Variants in SNX25 observed in about 807,000 individuals in gnomAD.
The protein encoded by SNX25 is sorting nexin 25, also known as sorting nexin-25.
SNX25 carries 62 observed loss-of-function variants against 113.7 expected under a neutral mutation model. That is an observed-to-expected ratio of 0.55 (90% CI 0.44 to 0.67). The LOEUF (loss-of-function observed/expected upper bound fraction) is 0.67, where lower values mean the gene tolerates loss of function less well. Ranked by LOEUF, SNX25 falls within the 30% of genes least tolerant of loss-of-function variation. The probability of loss-of-function intolerance (pLI) is 0.00; values close to 1 mark genes in which losing one functional copy is unlikely to be tolerated. For synonymous variants in SNX25, 421 were observed against 436.2 expected (o/e 0.97, Z 0.43); for missense variants, 1,014 against 1,161.0 (o/e 0.87, Z 1.84).
chr4:185,334,142 C>T lies in SNX25; in HGVS notation c.1914+1383C>T, dbSNP rs935008303. 6.6e-6 allele frequency among the ~76,000 whole-genome samples: 1 copy of T among 151,836 alleles called. No individual in the cohort carries two copies. Among genetic ancestry groups the T allele is most frequent in the Non-Finnish European group, 1.5e-5 (1 of 67,990 alleles). Reference sequence around the variant, plus strand: ...TCACTTGAGGTCAGGAGCTCGAGGCCAGCCTGGCCAACATGATGAAACCCT... The same window carrying T: ...TCACTTGAGGTCAGGAGCTCGAGGCTAGCCTGGCCAACATGATGAAACCCT... On this transcript the variant is annotated intron_variant, in intron 10 of 18. Coordinates refer to ENST00000652585, the MANE Select transcript of SNX25 (RefSeq NM_001378034.2). The surrounding 1 kb of genome is among the most constrained non-coding windows in gnomAD (Gnocchi z 4.2).
intron 9 of SNX25, among the ~76,000 whole-genome samples, chr4:185,327,741 G>A (rs191999134): frequency 6.4e-4 from 98 of 152,288 alleles, no homozygotes; most frequent in Middle Eastern, 6.8e-3. Flanking sequence ...CAGATTAGAA[G>A]TTAGGGTATT....
At chr4:185,370,144 C>T (rs934293730) in exon 12 of SNX25, 6 of 160,028 alleles carry the variant, frequency 3.7e-5, no homozygotes, top group Admixed American at 1.2e-4. Context: ...AGATGTGAAA[C>T]GCATTTGGGA....
chr4:185,208,451 C>T (rs986808664), upstream of SNX25, among the ~76,000 whole-genome samples: 5 of 151,986 alleles, frequency 3.3e-5, no homozygotes, highest in Non-Finnish European at 5.9e-5. Context: ...GAAATGAGGC[C>T]GGGCGCGGTG....
chr4:185,223,306 C>T (rs1205830250), intron 1 of SNX25, among the ~76,000 whole-genome samples: 1 of 151,854 alleles, frequency 6.6e-6, no homozygotes, highest in East Asian at 1.9e-4. Flanking sequence ...CTTTTATTTT[C>T]TTCAGCTTAT....
intron 5 of SNX25, among the ~76,000 whole-genome samples, chr4:185,277,124 A>T (rs1230641425): frequency 6.6e-6 from 1 of 152,134 alleles, no homozygotes; most frequent in Non-Finnish European, 1.5e-5. Flanking sequence ...TCTCGGGTTC[A>T]AGTGATTCTT....
chr4:185,347,536 T>C (rs979761060), intron 13 of SNX25, among the ~76,000 whole-genome samples: 3 of 152,134 alleles, frequency 2.0e-5, no homozygotes, highest in Non-Finnish European at 4.4e-5. Context: ...AATGGCGCGA[T>C]CTTGGCTCAC....
intron 7 of SNX25, among the ~76,000 whole-genome samples, chr4:185,320,407 G>A (rs764289495): frequency 3.9e-5 from 6 of 151,956 alleles, no homozygotes; most frequent in African/African-American, 1.2e-4. Flanking sequence ...GTTCTCACTC[G>A]TAAGTGGGAG....
intron 5 of SNX25, among the ~76,000 whole-genome samples, chr4:185,268,686 T>C (rs1748487244): frequency 6.6e-6 from 1 of 152,178 alleles, no homozygotes; most frequent in Admixed American, 6.5e-5. Context: ...AGGGTTAACA[T>C]TAAGATGACT....
At chr4:185,274,946 G>C (rs1749448208) in intron 5 of SNX25, among the ~76,000 whole-genome samples, 1 of 152,178 alleles carries the variant, frequency 6.6e-6, no homozygotes, top group South Asian at 2.1e-4. Flanking sequence ...TGCTAGCCAG[G>C]TGGGCAGAAA....
chr4:185,358,834 A>G (rs1446810547), intron 16 of SNX25, among the ~76,000 whole-genome samples: 1 of 152,230 alleles, frequency 6.6e-6, no homozygotes, highest in Non-Finnish European at 1.5e-5. Context: ...ACTTTTTTAT[A>G]TAACAAAATA....
chr4:185,333,752 T>C (rs1579826005), intron 10 of SNX25, among the ~76,000 whole-genome samples: 1 of 152,256 alleles, frequency 6.6e-6, no homozygotes, highest in Admixed American at 6.5e-5. Flanking sequence ...ATCACTTTAA[T>C]AATTGTTAGT....
intron 2 of SNX25, among the ~76,000 whole-genome samples, chr4:185,255,700 T>C (rs1008620141): frequency 6.6e-6 from 1 of 152,222 alleles, no homozygotes; most frequent in Non-Finnish European, 1.5e-5. Flanking sequence ...TGTTCACCTA[T>C]GTGCAGGACT....
chr4:185,278,866 G>A (rs932956673), intron 5 of SNX25, among the ~76,000 whole-genome samples: 2 of 152,118 alleles, frequency 1.3e-5, no homozygotes, highest in Non-Finnish European at 2.9e-5. Context: ...ATAAAACTAT[G>A]AGGAACAGTA....
At chr4:185,352,608 T>A (rs555533508) in intron 14 of SNX25, among the ~76,000 whole-genome samples, 72 of 152,352 alleles carry the variant, frequency 4.7e-4, no homozygotes, top group Non-Finnish European at 5.3e-4. Context: ...ACTCTGAAGC[T>A]GCCAGTGGCT....
chr4:185,252,390 A>G (rs1263212035), intron 2 of SNX25, among the ~76,000 whole-genome samples: 1 of 152,186 alleles, frequency 6.6e-6, no homozygotes, highest in Non-Finnish European at 1.5e-5. Flanking sequence ...GCTATAATAG[A>G]TTTAATATTA....
chr4:185,298,354 G>GCC (rs1753145930), intron 6 of SNX25, among the ~76,000 whole-genome samples: 1 of 152,010 alleles, frequency 6.6e-6, no homozygotes, highest in African/African-American at 2.4e-5. Context: ...CTCCCAAAGT[G>GCC]TTCGGATTAC....
intron 14 of SNX25, among the ~76,000 whole-genome samples, chr4:185,352,500 T>G (rs975241121): frequency 4.6e-5 from 7 of 152,194 alleles, no homozygotes; most frequent in Non-Finnish European, 8.8e-5. Context: ...ACCTCTTTCC[T>G]TCATGTGTCC....
At chr4:185,341,570 T>A (rs1340354748) in intron 11 of SNX25, among the ~76,000 whole-genome samples, 1 of 152,212 alleles carries the variant, frequency 6.6e-6, no homozygotes, top group Non-Finnish European at 1.5e-5. Flanking sequence ...GAAGTCAGTA[T>A]GTTTCCCAGA....
chr4:185,292,214 G>A (rs1380604127), intron 6 of SNX25, among the ~76,000 whole-genome samples: 1 of 152,120 alleles, frequency 6.6e-6, no homozygotes, highest in Non-Finnish European at 1.5e-5. Context: ...GAAAAAGACA[G>A]GTTCCATGGA....
Sources: gnomAD v4.1 joint callset for allele counts (sites outside exome capture counted in the v4.1 genomes callset) on GRCh38, gnomAD v4.1.1 for gene constraint, Gnocchi (gnomAD v3.1) non-coding constraint, MANE v1.5 for transcripts, NCBI Gene and HGNC (gene_info 2026-07-23, HGNC 2026-07-21) for gene names.